Variants in CEP128 observed in about 807,000 individuals in gnomAD.
CEP128 encodes the protein centrosomal protein 128kDa.
Under a neutral mutation model 156.7 loss-of-function variants are expected in CEP128, and 132 were observed. The observed-to-expected ratio is 0.84, with a 90% CI of 0.73 to 0.97. The LOEUF (loss-of-function observed/expected upper bound fraction) is 0.97, where lower values mean the gene tolerates loss of function less well. Among genes scored for constraint, CEP128 ranks in the 50% least tolerant of loss-of-function variants. CEP128 has a pLI of 0.00. For synonymous variants in CEP128, 469 were observed against 448.9 expected (o/e 1.04, Z -0.57); for missense variants, 1,252 against 1,281.9 (o/e 0.98, Z 0.36).
intron 8 of CEP128, among the ~76,000 whole-genome samples, chr14:80,880,544 GA>G (rs1888481387): frequency 6.6e-6 from 1 of 151,946 alleles, no homozygotes; most frequent in African/African-American, 2.4e-5. Flanking sequence ...ATTTGCAGAG[GA>G]AATGGTCCTA....
At chr14:80,554,644 T>C (rs1360415351) in intron 21 of CEP128, among the ~76,000 whole-genome samples, 1 of 152,120 alleles carries the variant, frequency 6.6e-6, no homozygotes, top group Non-Finnish European at 1.5e-5. Context: ...ATTAGAAAAT[T>C]ATTCAGAACA....
chr14:80,908,017 T>C (rs1883988764), intron 4 of CEP128, among the ~76,000 whole-genome samples: 1 of 152,200 alleles, frequency 6.6e-6, no homozygotes, highest in Non-Finnish European at 1.5e-5. Flanking sequence ...CTAAACTCAA[T>C]TTCAGTATCC....
At chr14:80,695,422 C>T (rs1282738545) in intron 19 of CEP128, among the ~76,000 whole-genome samples, 1 of 151,976 alleles carries the variant, frequency 6.6e-6, no homozygotes, top group Non-Finnish European at 1.5e-5. Flanking sequence ...AAGATATGAA[C>T]TTGCAGGGTG....
intron 19 of CEP128, among the ~76,000 whole-genome samples, chr14:80,615,379 G>A (rs28753378): frequency 0.03 from 4,545 of 152,256 alleles, 215 homozygotes; most frequent in African/African-American, 0.098. Context: ...TGAGATAGCC[G>A]TAGAGTATCT....
At chr14:80,888,184 G>T (rs866206999) in intron 8 of CEP128, among the ~76,000 whole-genome samples, 1 of 152,024 alleles carries the variant, frequency 6.6e-6, no homozygotes, top group Non-Finnish European at 1.5e-5. Flanking sequence ...ATTTACAGTC[G>T]AATTCTACCA....
chr14:80,491,275 G>C (rs886819259), intron 6 of CEP128, among the ~76,000 whole-genome samples: 1 of 152,144 alleles, frequency 6.6e-6, no homozygotes, highest in Non-Finnish European at 1.5e-5. Flanking sequence ...CTGTGGTCTT[G>C]GTCAAAGCAC....
Position 80,806,034 on chromosome 14 carries a change from C to A in CEP128, c.1210-12924G>T, listed in dbSNP as rs543711911. 6.8e-4 allele frequency among the ~76,000 whole-genome samples: 104 copies of A among 152,262 alleles called. 6 individuals are homozygous for A. The South Asian group carries it at 0.018, about 27-fold the overall frequency. The stretch of plus-strand genomic sequence containing the variant: ...AAAACATCAGGGGCCATGGTAATAA[C>A]CATATCCCATATATTATTCCTTTAA... On this transcript the variant is annotated intron_variant, in intron 13 of 24. Coordinates refer to ENST00000555265, the MANE Select transcript of CEP128 (RefSeq NM_152446.5).
chr14:80,493,529 G>A (rs1887394372), downstream of CEP128, among the ~76,000 whole-genome samples: 1 of 152,178 alleles, frequency 6.6e-6, no homozygotes, highest in Non-Finnish European at 1.5e-5. Flanking sequence ...ACAGGGCTTT[G>A]CACCCACGTT....
At chr14:80,772,446 C>G (rs537306942) in intron 16 of CEP128, among the ~76,000 whole-genome samples, 1 of 152,300 alleles carries the variant, frequency 6.6e-6, no homozygotes, top group African/African-American at 2.4e-5. Context: ...CCCATCCATC[C>G]TGCTGACAGC....
intron 16 of CEP128, among the ~76,000 whole-genome samples, chr14:80,777,508 C>G (rs766998019): frequency 5.9e-5 from 9 of 152,158 alleles, no homozygotes; most frequent in African/African-American, 1.9e-4. Flanking sequence ...CTCAAACAGA[C>G]TAAGACACTA....
At chr14:80,578,933 G>A (rs190033983) in intron 20 of CEP128, among the ~76,000 whole-genome samples, 8 of 152,114 alleles carry the variant, frequency 5.3e-5, no homozygotes, top group Non-Finnish European at 1.0e-4. Flanking sequence ...AACTATAAAT[G>A]TCCATAGCTA....
intron 20 of CEP128, among the ~76,000 whole-genome samples, chr14:80,569,173 T>C (rs1401356778): frequency 6.6e-6 from 1 of 152,188 alleles, no homozygotes; most frequent in Non-Finnish European, 1.5e-5. Flanking sequence ...TTCAAACAAA[T>C]TTCTAAATTT....
chr14:80,733,406 A>G (rs893954579), intron 19 of CEP128, among the ~76,000 whole-genome samples: 1 of 151,026 alleles, frequency 6.6e-6, no homozygotes, highest in Non-Finnish European at 1.5e-5. Flanking sequence ...GTGAACATAC[A>G]TAGAAACACA....
chr14:80,586,039 G>A (rs1284484509), intron 19 of CEP128, among the ~76,000 whole-genome samples: 5 of 151,702 alleles, frequency 3.3e-5, no homozygotes, highest in Admixed American at 3.3e-4. Context: ...TTCTTCCTTA[G>A]CTACCCAGTT....
intron 19 of CEP128, among the ~76,000 whole-genome samples, chr14:80,582,781 T>C (rs184655547): frequency 5.3e-5 from 8 of 152,226 alleles, no homozygotes; most frequent in Admixed American, 3.3e-4. Flanking sequence ...ATTTGTGAGA[T>C]ATAAGATCAC....
intron 13 of CEP128, among the ~76,000 whole-genome samples, chr14:80,820,725 G>A (rs1280285862): frequency 6.6e-6 from 1 of 152,088 alleles, no homozygotes; most frequent in Non-Finnish European, 1.5e-5. Context: ...ACATGTCCTA[G>A]CCAGCTTTTC....
In CEP128 at chr14:80,936,440, G is replaced by A. The variant is rs554572373; in HGVS notation, c.-16+2945C>T. 7.2e-5 allele frequency among the ~76,000 whole-genome samples: 11 copies of A among 152,150 alleles called. No homozygotes were observed. The South Asian group carries it at 2.3e-3, about 32-fold the overall frequency. On this transcript the variant is annotated intron_variant, in intron 2 of 24. Transcript: ENST00000555265. Reference sequence around the variant, plus strand: ...ACAGGGAAGGAGGGAAGGAGGGATGGGAAAATGTTTATCAGAATGAATTAA... The same window carrying A: ...ACAGGGAAGGAGGGAAGGAGGGATGAGAAAATGTTTATCAGAATGAATTAA...
intron 13 of CEP128, among the ~76,000 whole-genome samples, chr14:80,817,959 T>C (rs1884960818): frequency 6.6e-6 from 1 of 151,734 alleles, no homozygotes; most frequent in African/African-American, 2.4e-5. Flanking sequence ...TTGAAGATTA[T>C]CGATAGATAT....
chr14:80,649,689 A>T (rs144886222), intron 19 of CEP128, among the ~76,000 whole-genome samples: 2,565 of 152,226 alleles, frequency 0.017, 41 homozygotes, highest in Non-Finnish European at 0.026. Context: ...TTTTATTAAC[A>T]GTTGGAAACC....
Sources: gnomAD v4.1 joint callset for allele counts (sites outside exome capture counted in the v4.1 genomes callset) on GRCh38, gnomAD v4.1.1 for gene constraint, MANE v1.5 for transcripts, NCBI Gene and HGNC (gene_info 2026-07-23, HGNC 2026-07-21) for gene names.